PTBP3: variants seen among roughly 807,000 people sequenced by gnomAD.
The protein encoded by PTBP3 is polypyrimidine tract binding protein 3, also known as polypyrimidine tract-binding protein 3.
In PTBP3, 20 loss-of-function variants were observed where a neutral mutation model predicts 58.7. That is an observed-to-expected ratio of 0.34 (90% CI 0.24 to 0.50). The LOEUF is 0.50. Among genes scored for constraint, PTBP3 ranks in the 20% least tolerant of loss-of-function variants. The pLI is 0.98. For missense variants in PTBP3, 509 were observed against 637.2 expected (o/e 0.80, Z 2.17); for synonymous variants, 185 against 219.8 (o/e 0.84, Z 1.40).
chr9:112,220,052 C>A lies in PTBP3; in HGVS notation c.*3799G>T. Reference sequence around the variant, plus strand: ...TTTTGTTCTCATTAACAGATCAAGACAAAGGAAAGGCTAAGAAAAATGCTT... The same window carrying A: ...TTTTGTTCTCATTAACAGATCAAGAAAAAGGAAAGGCTAAGAAAAATGCTT... On this transcript the variant is annotated 3_prime_UTR_variant, in exon 14 of 14. Coordinates refer to ENST00000374257, the MANE Select transcript of PTBP3 (RefSeq NM_001163788.4). 1 of 1,152,044 alleles carries A rather than the reference C, an allele frequency of 8.7e-7. No individual in the cohort carries two copies. The highest frequency in any genetic ancestry group is 1.1e-6 in the Non-Finnish European group (1 of 909,948). 71.4% of individuals were successfully genotyped at this position (1,152,044 alleles called of 1,614,324 possible).
intron 3 of PTBP3, among the ~76,000 whole-genome samples, chr9:112,275,144 T>TA (rs898536026): frequency 9.9e-5 from 15 of 151,586 alleles, no homozygotes; most frequent in East Asian, 7.7e-4. Flanking sequence ...TTTTTATTTT[T>TA]TTTTTTGGTG....
intron 4 of PTBP3, 136 bp from the exon 5 acceptor site, chr9:112,262,735 T>C (rs1282505675): frequency 3.8e-5 from 27 of 704,070 alleles, no homozygotes; most frequent in Non-Finnish European, 5.5e-5. Flanking sequence ...TGGAGATACA[T>C]ATCCTAAATT....
the PTBP3 span, among the ~76,000 whole-genome samples, chr9:112,344,337 A>G: frequency 6.6e-6 from 1 of 152,172 alleles, no homozygotes; most frequent in African/African-American, 2.4e-5. Flanking sequence ...ATTAGGGGGA[A>G]TTAATGCCAT....
chr9:112,307,494 T>TTTCC (rs1379062339), intron 1 of PTBP3, among the ~76,000 whole-genome samples: 3 of 152,126 alleles, frequency 2.0e-5, no homozygotes, highest in South Asian at 4.1e-4. Flanking sequence ...TAAAGTTTCA[T>TTTCC]TCCGGGAAAT....
the PTBP3 span, among the ~76,000 whole-genome samples, chr9:112,357,073 G>A: frequency 6.6e-6 from 1 of 151,434 alleles, no homozygotes; most frequent in Admixed American, 6.6e-5. Flanking sequence ...GTAGAGACGG[G>A]GTTTCACCAT....
chr9:112,323,198 G>A (rs568829867), intron 1 of PTBP3, among the ~76,000 whole-genome samples: 3 of 152,336 alleles, frequency 2.0e-5, no homozygotes, highest in Admixed American at 6.5e-5. Context: ...GCTGCAGTGA[G>A]CTATGATTCA....
At chr9:112,291,118 AG>A (rs1257736435) in intron 2 of PTBP3, among the ~76,000 whole-genome samples, 1 of 152,090 alleles carries the variant, frequency 6.6e-6, no homozygotes, top group African/African-American at 2.4e-5. Context: ...GCTACTTGGG[AG>A]GCTGAGGCAG....
chr9:112,316,792 C>T (rs924603076), intron 1 of PTBP3, among the ~76,000 whole-genome samples: 2 of 151,374 alleles, frequency 1.3e-5, no homozygotes, highest in Non-Finnish European at 1.5e-5. Context: ...GCCAACATGG[C>T]GAAACACCGT....
the PTBP3 span, among the ~76,000 whole-genome samples, chr9:112,372,845 T>C: frequency 3.3e-5 from 5 of 152,336 alleles, no homozygotes; most frequent in South Asian, 2.1e-4. Flanking sequence ...CTTTTGGCTA[T>C]TATGAATAAT....
At chr9:112,341,813 A>G in the PTBP3 span, among the ~76,000 whole-genome samples, 1 of 152,180 alleles carries the variant, frequency 6.6e-6, no homozygotes, top group East Asian at 1.9e-4. Context: ...AATTCTTTAC[A>G]TAGTTCTGCT....
the PTBP3 span, among the ~76,000 whole-genome samples, chr9:112,367,818 T>C: frequency 6.6e-6 from 1 of 152,314 alleles, no homozygotes; most frequent in South Asian, 2.1e-4. Context: ...TTCATGGATT[T>C]GGATGTTCAT....
chr9:112,277,946 T>TAACATAACATAATATAAC (rs1564427648), intron 2 of PTBP3, among the ~76,000 whole-genome samples: 9 of 58,200 alleles, frequency 1.5e-4, no homozygotes, highest in East Asian at 1.3e-3. Flanking sequence ...CATAACATAA[T>TAACATAACATAATATAAC]ATAACATAAC....
chr9:112,223,862 A>G lies in PTBP3; in HGVS notation c.1564T>C (p.Ser522Pro). ...AATTCACAGAAAAGTCAGATTGTAG[A>G]TTTTGAGAAGGAAACTCTGAGGTGG... ...NHHLRVSFSK[S>P]TI The change falls in exon 14 of 14, where the codon TCT becomes CCT. Residue 522 changes from serine to proline, a missense_variant. Ser to Pro is a moderately conservative substitution (Grantham distance 74). Around this residue, in one of 4 missense-constraint regions of PTBP3, gnomAD observed 135 missense variants for 229.0 expected, o/e 0.59. Transcript: ENST00000374257. 6.2e-7 allele frequency: 1 copy of G among 1,613,498 alleles called. No individual in the cohort carries two copies. Among genetic ancestry groups the G allele is most frequent in the Non-Finnish European group, 8.5e-7 (1 of 1,179,596 alleles).
the PTBP3 span, among the ~76,000 whole-genome samples, chr9:112,356,796 GCACACACA>G: frequency 0.012 from 745 of 62,542 alleles, 25 homozygotes; most frequent in Non-Finnish European, 3.7e-3. Flanking sequence ...TTGCGTGTGC[GCACACACA>G]CACACACACA....
At chr9:112,259,045 G>A (rs1025459956) in intron 5 of PTBP3, among the ~76,000 whole-genome samples, 33 of 152,040 alleles carry the variant, frequency 2.2e-4, no homozygotes, top group African/African-American at 7.2e-4. Flanking sequence ...TCCACCTCCC[G>A]GGCTCAAGCT....
At chr9:112,314,773 G>A (rs1042627167) in intron 1 of PTBP3, among the ~76,000 whole-genome samples, 1 of 150,600 alleles carries the variant, frequency 6.6e-6, no homozygotes, top group Admixed American at 6.6e-5. Flanking sequence ...CTCTTTAACA[G>A]AATAAAAAAT....
chr9:112,346,468 G>A, the PTBP3 span, among the ~76,000 whole-genome samples: 1 of 152,062 alleles, frequency 6.6e-6, no homozygotes, highest in East Asian at 2.0e-4. Flanking sequence ...CACCTGGCCG[G>A]CAAATATAAA....
chr9:112,238,192 A>C (rs939070349), intron 7 of PTBP3, among the ~76,000 whole-genome samples: 1 of 152,226 alleles, frequency 6.6e-6, no homozygotes, highest in African/African-American at 2.4e-5. Context: ...AAGCAGATGA[A>C]GATTTAAATA....
At chr9:112,306,420 A>G (rs1829213542) in intron 1 of PTBP3, among the ~76,000 whole-genome samples, 1 of 150,026 alleles carries the variant, frequency 6.7e-6, no homozygotes, top group South Asian at 2.1e-4. Context: ...TCGACCTTCC[A>G]AAGTGCTGCG....
Sources: allele counts gnomAD v4.1 joint callset (sites outside exome capture counted in the v4.1 genomes callset), GRCh38; gene constraint gnomAD v4.1.1; regional missense constraint gnomAD v4.1.1; transcripts MANE v1.5; gene names NCBI Gene and HGNC (gene_info 2026-07-23, HGNC 2026-07-21).